The following SCRN1 variants were observed in gnomAD, a reference collection of about 807,000 sequenced individuals.
SCRN1 encodes the protein secernin-1.
Under a neutral mutation model 43.3 loss-of-function variants are expected in SCRN1, and 19 were observed. That is an observed-to-expected ratio of 0.44 (90% CI 0.31 to 0.64). SCRN1 has a LOEUF of 0.64. Ranked by LOEUF, SCRN1 falls within the 30% of genes least tolerant of loss-of-function variation. The pLI, the probability that SCRN1 is intolerant of heterozygous loss-of-function variation, is 0.09. For missense variants in SCRN1, 447 were observed against 524.1 expected (o/e 0.85, Z 1.44); for synonymous variants, 183 against 188.9 (o/e 0.97, Z 0.26).
In SCRN1 at chr7:29,989,665, C is replaced by G; in HGVS notation, c.-25G>C. The G allele has an allele frequency of 4.1e-6, 4 of 985,670 alleles. No homozygotes were observed. The highest frequency in any genetic ancestry group is 4.8e-6 in the Non-Finnish European group (4 of 830,122). 61.1% of individuals were successfully genotyped at this position (985,670 alleles called of 1,614,324 possible). A position where few individuals can be genotyped will look rare whatever the true frequency, so the allele number is the denominator to read the frequency against. ...ACCTGGGGCGGCGGGCTCCGGGCTC[C>G]GCTCTCCGCTCTGCGGTGCTGAGGC... On this transcript the variant is annotated 5_prime_UTR_variant, in exon 1 of 8. Coordinates refer to ENST00000242059, the MANE Select transcript of SCRN1 (RefSeq NM_014766.5).
chr7:29,986,717 A>ATT (rs553845779), intron 1 of SCRN1, among the ~76,000 whole-genome samples: 1,142 of 99,636 alleles, frequency 0.011, no homozygotes, highest in East Asian at 0.013. Flanking sequence ...AATTTTTTTA[A>ATT]TTTTTTTTTT....
At chr7:29,962,470 T>C (rs1457607091) in intron 2 of SCRN1, among the ~76,000 whole-genome samples, 2 of 151,820 alleles carry the variant, frequency 1.3e-5, no homozygotes, top group Non-Finnish European at 2.9e-5. Context: ...GTGGATCACT[T>C]GAGCTCAGGA....
At chr7:29,968,730 G>A (rs1788574039) in intron 2 of SCRN1, among the ~76,000 whole-genome samples, 179 bp downstream of exon 2, 1 of 152,152 alleles carries the variant, frequency 6.6e-6, no homozygotes, top group Admixed American at 6.5e-5. Context: ...TGAGCATAGA[G>A]CTCTCCCATG....
At chr7:29,960,162 C>T (rs1038096065) in intron 2 of SCRN1, among the ~76,000 whole-genome samples, 1 of 152,136 alleles carries the variant, frequency 6.6e-6, no homozygotes, top group Non-Finnish European at 1.5e-5. Context: ...CCGCAACATA[C>T]ACACACCCCA....
rs1343199105 is a variant in SCRN1 at position 29,923,584 on chromosome 7, T to C, written c.*373A>G. ...GGGAAAGACTAAGACTTCAAAAGAATTTGCTTTTCCCGCCAACTCGGCACT... is the reference window on the plus strand; with the variant it reads ...GGGAAAGACTAAGACTTCAAAAGAACTTGCTTTTCCCGCCAACTCGGCACT... On this transcript the variant is annotated 3_prime_UTR_variant, in exon 8 of 8. Transcript: ENST00000242059. The C allele has an allele frequency of 1.1e-5, 2 of 175,626 alleles. No homozygotes were observed. The highest frequency in any genetic ancestry group is 4.8e-5 in the African/African-American group (2 of 41,980). 10.9% of individuals were successfully genotyped at this position (175,626 alleles called of 1,614,324 possible).
intron 1 of SCRN1, among the ~76,000 whole-genome samples, chr7:29,980,946 G>C (rs1049534008): frequency 6.6e-6 from 1 of 152,170 alleles, no homozygotes; most frequent in Non-Finnish European, 1.5e-5. Context: ...AAAAGACCTA[G>C]AAGGATTAAT....
At position 29,924,008 on chromosome 7, in the gene SCRN1, C is replaced by T; in HGVS notation, c.1194G>A (p.Val398=). 1 of 1,614,124 alleles carries T rather than the reference C, an allele frequency of 6.2e-7. No individual in the cohort carries two copies. Among genetic ancestry groups the T allele is most frequent in the Non-Finnish European group, 8.5e-7 (1 of 1,180,010 alleles). ...CAACACAGTCATAGAAAAGGTCCCC[C>T]ACTTCCGCAGGGTCCAGTGGCTCGG... ...TSSEPLDPAE[V]GDLFYDCVDT... is the part of the protein sequence containing the mutation. Residue 398 remains valine (V), a synonymous_variant, in exon 8 of 8, where the codon GTG becomes GTA. Coordinates refer to ENST00000242059, the MANE Select transcript of SCRN1 (RefSeq NM_014766.5).
chr7:29,987,939 T>A (rs569500403), intron 1 of SCRN1, among the ~76,000 whole-genome samples: 1 of 152,254 alleles, frequency 6.6e-6, no homozygotes, highest in South Asian at 2.1e-4. Context: ...CCTTAGCTCA[T>A]CCTCCTCTAT....
At chr7:29,981,195 A>G (rs967560719) in intron 1 of SCRN1, among the ~76,000 whole-genome samples, 4 of 152,034 alleles carry the variant, frequency 2.6e-5, no homozygotes, top group Non-Finnish European at 5.9e-5. Flanking sequence ...AAAAAAAAAA[A>G]TACACTAAAG....
At chr7:29,978,818 A>G (rs964617995) in intron 1 of SCRN1, among the ~76,000 whole-genome samples, 1 of 152,232 alleles carries the variant, frequency 6.6e-6, no homozygotes, top group Admixed American at 6.5e-5. Context: ...TTTTGGCCAC[A>G]TCTGATTTTG....
At position 29,939,061 on chromosome 7, in the gene SCRN1, GT is replaced by G. The variant is rs554621573; in HGVS notation, c.739+1620del. On this transcript the variant is annotated intron_variant, in intron 5 of 7. Transcript: ENST00000242059. ...TTATTTAATATCTTTCACCAAGCTA[GT>G]TTTTTTTTAATTAAAAAAATTTTGA... is the stretch of plus-strand genomic sequence containing the variant. 2.4e-4 allele frequency among the ~76,000 whole-genome samples: 36 copies of G among 151,298 alleles called. No homozygotes were observed. In the East Asian group the frequency reaches 4.7e-3, roughly 20 times the overall value.
chr7:29,955,127 C>G, intron 3 of SCRN1, 52 bp downstream of exon 3: 1 of 1,514,412 alleles, frequency 6.6e-7, no homozygotes, highest in South Asian at 1.2e-5. Flanking sequence ...AAATCCTGTC[C>G]CCATTTCCAA....
intron 6 of SCRN1, among the ~76,000 whole-genome samples, chr7:29,935,256 T>G (rs1218049947): frequency 6.6e-6 from 1 of 152,186 alleles, no homozygotes; most frequent in Non-Finnish European, 1.5e-5. Flanking sequence ...GGCAGTAGTT[T>G]AAAAAATGAG....
intron 6 of SCRN1, among the ~76,000 whole-genome samples, chr7:29,933,159 C>A (rs552221410): frequency 6.6e-6 from 1 of 152,160 alleles, no homozygotes; most frequent in Non-Finnish European, 1.5e-5. Context: ...GGATTACAGG[C>A]GTGAGCGGCC....
chr7:29,947,661 G>T (rs1464096973), intron 3 of SCRN1, among the ~76,000 whole-genome samples: 1 of 152,216 alleles, frequency 6.6e-6, no homozygotes, highest in Non-Finnish European at 1.5e-5. Context: ...TTCAGCCAGA[G>T]GGCTAGAAGC....
chr7:29,934,263 G>C, intron 6 of SCRN1, among the ~76,000 whole-genome samples: 1 of 151,970 alleles, frequency 6.6e-6, no homozygotes, highest in East Asian at 1.9e-4. Context: ...CTATCAGAAG[G>C]CTATTGCCCA....
intron 6 of SCRN1, among the ~76,000 whole-genome samples, chr7:29,933,199 TG>T (rs1257428213): frequency 2.0e-5 from 3 of 152,150 alleles, no homozygotes; most frequent in Non-Finnish European, 4.4e-5. Flanking sequence ...AGTATTTATT[TG>T]TGTATTTTCC....
intron 1 of SCRN1, among the ~76,000 whole-genome samples, chr7:29,974,342 T>C (rs773435632): frequency 2.6e-5 from 4 of 152,228 alleles, no homozygotes; most frequent in Non-Finnish European, 5.9e-5. Flanking sequence ...TCTCTGATAC[T>C]TTCTTTTACC....
chr7:29,984,391 A>T (rs1422375095), intron 1 of SCRN1, among the ~76,000 whole-genome samples: 1 of 152,126 alleles, frequency 6.6e-6, no homozygotes, highest in East Asian at 1.9e-4. Context: ...AGGAAAATAT[A>T]GACTCGATTA....
Sources: gnomAD v4.1 joint callset for allele counts (sites outside exome capture counted in the v4.1 genomes callset) on GRCh38, gnomAD v4.1.1 for gene constraint, MANE v1.5 for transcripts, NCBI Gene and HGNC (gene_info 2026-07-23, HGNC 2026-07-21) for gene names.